GPC5: variants seen among roughly 807,000 people sequenced by gnomAD.
GPC5 encodes the protein glypican-5.
GPC5 carries 47 observed loss-of-function variants against 53.9 expected under a neutral mutation model. The ratio of observed to expected loss-of-function variants is 0.87; its 90% CI spans 0.69 to 1.11. The LOEUF is 1.11. Among genes scored for constraint, GPC5 ranks in the 50% most tolerant of loss-of-function variants. The pLI is 0.00. For synonymous variants in GPC5, 286 were observed against 263.3 expected (o/e 1.09, Z -0.84); for missense variants, 748 against 713.1 (o/e 1.05, Z -0.56).
intron 7 of GPC5, among the ~76,000 whole-genome samples, chr13:92,809,294 T>A (rs769865639): frequency 1.1e-4 from 16 of 152,168 alleles, no homozygotes; most frequent in South Asian, 2.1e-4. Flanking sequence ...TCAATATAGA[T>A]ACTTAAAAGG....
At chr13:91,450,457 CT>C (rs141397618) in intron 2 of GPC5, among the ~76,000 whole-genome samples, 5,432 of 152,160 alleles carry the variant, frequency 0.036, 143 homozygotes, top group Middle Eastern at 0.068. Context: ...AAAAGGTGGA[CT>C]GGATTCATAT....
intron 7 of GPC5, among the ~76,000 whole-genome samples, chr13:92,348,042 G>C (rs1221098056): frequency 9.3e-6 from 1 of 107,920 alleles, no homozygotes. Context: ...AATACATAAA[G>C]GAAGACAGCA....
In GPC5 at chr13:91,964,464, G is replaced by T. The variant is rs112268030; in HGVS notation, c.1401+56407G>T. The stretch of plus-strand genomic sequence containing the variant: ...GTCTGTTTTGACAGAGTGCTGATTG[G>T]TGCATTTATAAATCTTTAGCTAGAC... On this transcript the variant is annotated intron_variant, in intron 6 of 7. Coordinates refer to ENST00000377067, the MANE Select transcript of GPC5 (RefSeq NM_004466.6). Among the ~76,000 whole-genome samples the T allele has an allele frequency of 3.8e-3, 581 of 152,152 alleles. 4 individuals are homozygous for T. Among genetic ancestry groups the T allele is most frequent in the African/African-American group, 0.013 (551 of 41,496 alleles).
chr13:92,572,183 G>GT (rs1883047819), intron 7 of GPC5, among the ~76,000 whole-genome samples: 1 of 152,242 alleles, frequency 6.6e-6, no homozygotes, highest in Middle Eastern at 3.4e-3. Flanking sequence ...AAATACATTT[G>GT]TTTTTGTATA....
intron 6 of GPC5, among the ~76,000 whole-genome samples, chr13:92,046,169 T>TGAAAGAAAAATCAC (rs1179939129): frequency 1.3e-5 from 2 of 152,146 alleles, no homozygotes; most frequent in African/African-American, 4.8e-5. Flanking sequence ...TGATCTTTTA[T>TGAAAGAAAAATCAC]GAAAGAAAAA....
chr13:91,612,760 AT>A (rs1393613761), intron 2 of GPC5, among the ~76,000 whole-genome samples: 8 of 152,106 alleles, frequency 5.3e-5, no homozygotes, highest in Non-Finnish European at 8.8e-5. Flanking sequence ...ACCCTAATTT[AT>A]TTTCTTTGTT....
chr13:92,491,530 G>T (rs1289494255), intron 7 of GPC5, among the ~76,000 whole-genome samples: 1 of 152,038 alleles, frequency 6.6e-6, no homozygotes, highest in African/African-American at 2.4e-5. Flanking sequence ...ACACACATCG[G>T]CAGCACGTTC....
At chr13:92,421,729 G>A (rs949352100) in intron 7 of GPC5, among the ~76,000 whole-genome samples, 2 of 140,076 alleles carry the variant, frequency 1.4e-5, no homozygotes, top group African/African-American at 5.7e-5. Context: ...AAGTTTAATT[G>A]GCTCACGGTT....
chr13:92,399,761 A>G (rs1875472331), intron 7 of GPC5, among the ~76,000 whole-genome samples: 1 of 152,152 alleles, frequency 6.6e-6, no homozygotes, highest in Admixed American at 6.5e-5. Context: ...ATTCGTGTCT[A>G]TCGTATATTT....
rs112564386 is a variant in GPC5, at chr13:91,787,592, G to A, written c.1280+31172G>A. ...GGGGAGAAATATGTTCTCCAACATCGCTGATTGGGATGTAAAGAGGCAAGA... is the reference window on the plus strand; with the variant it reads ...GGGGAGAAATATGTTCTCCAACATCACTGATTGGGATGTAAAGAGGCAAGA... On this transcript the variant is annotated intron_variant, in intron 5 of 7. Transcript: ENST00000377067. 9.5e-3 allele frequency among the ~76,000 whole-genome samples: 1,441 copies of A among 152,174 alleles called. 19 individuals are homozygous for A. The highest frequency in any genetic ancestry group is 0.033 in the African/African-American group (1,363 of 41,528).
intron 7 of GPC5, among the ~76,000 whole-genome samples, chr13:92,600,247 GAT>G (rs1884003842): frequency 6.6e-6 from 1 of 151,990 alleles, no homozygotes; most frequent in African/African-American, 2.4e-5. Context: ...GTGAAGTATG[GAT>G]ATATTTGAAT....
chr13:92,744,686 A>G (rs1474166397), intron 7 of GPC5, among the ~76,000 whole-genome samples: 1 of 152,124 alleles, frequency 6.6e-6, no homozygotes, highest in East Asian at 1.9e-4. Flanking sequence ...AAGTGATGAA[A>G]TAACGCTAAT....
chr13:91,729,956 T>C (rs940028407), intron 4 of GPC5, among the ~76,000 whole-genome samples: 3 of 152,126 alleles, frequency 2.0e-5, no homozygotes, highest in South Asian at 2.1e-4. Context: ...CTCATACAAG[T>C]GAAAGGTTTT....
intron 7 of GPC5, among the ~76,000 whole-genome samples, chr13:92,314,644 A>T (rs997358894): frequency 2.0e-5 from 3 of 151,634 alleles, no homozygotes; most frequent in African/African-American, 7.2e-5. Flanking sequence ...GAAAAGAAAT[A>T]ACGCTATCCA....
chr13:92,595,766 T>TC, intron 7 of GPC5, among the ~76,000 whole-genome samples: 1 of 18,668 alleles, frequency 5.4e-5, no homozygotes, highest in African/African-American at 1.2e-4. Context: ...AGACTCTGTC[T>TC]CAAAAAAAAA....
At chr13:91,851,008 G>A (rs1326635447) in intron 5 of GPC5, among the ~76,000 whole-genome samples, 1 of 152,158 alleles carries the variant, frequency 6.6e-6, no homozygotes, top group Non-Finnish European at 1.5e-5. Context: ...CAGGATATAA[G>A]TGAGTATGTA....
intron 6 of GPC5, among the ~76,000 whole-genome samples, chr13:91,971,897 A>G (rs535826589): frequency 1.2e-4 from 18 of 152,214 alleles, no homozygotes; most frequent in Non-Finnish European, 2.4e-4. Context: ...TATGTGGTCA[A>G]TTTTGGAATA....
intron 7 of GPC5, among the ~76,000 whole-genome samples, chr13:92,449,492 C>A (rs1877972620): frequency 6.6e-6 from 1 of 152,068 alleles, no homozygotes; most frequent in Non-Finnish European, 1.5e-5. Flanking sequence ...TAATGTAAAT[C>A]AAATATGAAT....
chr13:91,677,217 G>A (rs926241748), intron 2 of GPC5, among the ~76,000 whole-genome samples: 1 of 152,120 alleles, frequency 6.6e-6, no homozygotes, highest in African/African-American at 2.4e-5. Context: ...CAATACAGAG[G>A]AATTATGGCT....
Sources: gnomAD v4.1 joint callset for allele counts (sites outside exome capture counted in the v4.1 genomes callset) on GRCh38, gnomAD v4.1.1 for gene constraint, MANE v1.5 for transcripts, NCBI Gene and HGNC (gene_info 2026-07-23, HGNC 2026-07-21) for gene names.